Variants in ADAM9 observed in about 807,000 individuals in gnomAD.
ADAM9 encodes the protein disintegrin and metalloproteinase domain-containing protein 9.
In ADAM9, 54 loss-of-function variants were observed where a neutral mutation model predicts 108.1. The ratio of observed to expected loss-of-function variants is 0.50; its 90% confidence interval spans 0.40 to 0.63. The LOEUF is 0.63. ADAM9 is among the 20% of genes least tolerant of loss of function. ADAM9 has a pLI of 0.00. For synonymous variants in ADAM9, 316 were observed against 336.0 expected, an observed-to-expected ratio of 0.94 and a Z score of 0.65; for missense variants, 830 against 997.7, an observed-to-expected ratio of 0.83 and a Z score of 2.26.
At chr8:38,998,396 A>T (rs1291971837) in intron 1 of ADAM9, among the ~76,000 whole-genome samples, 5 of 151,668 alleles carry the variant, frequency 3.3e-5, no homozygotes, top group Non-Finnish European at 5.9e-5. Context: ...TTAATCTGTG[A>T]TTTTTTTTTG....
Position 39,011,792 on chromosome 8 carries a change from T to G in ADAM9, c.254+76T>G, listed in dbSNP as rs927813079. On this transcript the variant is annotated intron_variant, in intron 3 of 21. Coordinates refer to ENST00000487273, the MANE Select transcript of ADAM9 (RefSeq NM_003816.3). The stretch of plus-strand genomic sequence containing the variant: ...TATTGGTTTTCTTTCTAGTTTGATA[T>G]GGTTTAGTGGATCCTGAACCCTGGG... The G allele has an allele frequency of 5.2e-6, 7 of 1,339,034 alleles. No homozygotes were observed. In the African/African-American group the frequency reaches 7.2e-5, roughly 14 times the overall value. 82.9% of individuals were successfully genotyped at this position (1,339,034 alleles called of 1,614,324 possible). A position where few individuals can be genotyped will look rare whatever the true frequency, so the allele number is the denominator to read the frequency against.
chr8:39,011,858 G>A, intron 3 of ADAM9, 142 bp downstream of exon 3: 1 of 771,546 alleles, frequency 1.3e-6, no homozygotes, highest in Non-Finnish European at 2.2e-6. Flanking sequence ...CTGCACAGTG[G>A]CAGCTGGCTG....
intron 1 of ADAM9, among the ~76,000 whole-genome samples, chr8:39,006,617 G>A (rs1836170738): frequency 6.6e-6 from 1 of 151,522 alleles, no homozygotes; most frequent in South Asian, 2.1e-4. Context: ...AAGAAAAAGA[G>A]GTTGTGTTGG....
Position 39,093,804 on chromosome 8 carries a change from C to G in ADAM9, c.2298+2458C>G, listed in dbSNP as rs926138053. Reference sequence around the variant, plus strand: ...TTTGTTTTTGAGATAGAGTCTCGCTCTGTCACCCAGGCTGCAGTGCAGTGG... The same window carrying G: ...TTTGTTTTTGAGATAGAGTCTCGCTGTGTCACCCAGGCTGCAGTGCAGTGG... On this transcript the variant is annotated intron_variant, in intron 20 of 21. Coordinates refer to ENST00000487273, the MANE Select transcript of ADAM9 (RefSeq NM_003816.3). Among the ~76,000 whole-genome samples, 51 of 152,188 alleles carry G rather than the reference C, an allele frequency of 3.4e-4. 1 individual carries two copies. The highest frequency in any genetic ancestry group is 2.6e-3 in the Admixed American group (40 of 15,278).
intron 11 of ADAM9, among the ~76,000 whole-genome samples, chr8:39,034,889 G>A (rs1837219862): frequency 6.6e-6 from 1 of 151,910 alleles, no homozygotes; most frequent in South Asian, 2.1e-4. Context: ...CGTATGTTAT[G>A]TATATATAAC....
At chr8:39,075,956 A>G (rs1391422996) in intron 15 of ADAM9, 2 of 152,242 alleles carry the variant, frequency 1.3e-5, no homozygotes, top group Non-Finnish European at 2.9e-5. Flanking sequence ...GGACAAAATT[A>G]TTAACTCTTA....
At position 38,996,974 on chromosome 8, in the gene ADAM9, G is replaced by T; in HGVS notation, c.-90G>T. 6.5e-7 allele frequency: 1 copy of T among 1,528,618 alleles called. No individual in the cohort carries two copies. The highest frequency in any genetic ancestry group is 2.4e-5 in the East Asian group (1 of 41,148). 94.7% of individuals were successfully genotyped at this position (1,528,618 alleles called of 1,614,324 possible). On this transcript the variant is annotated 5_prime_UTR_variant, in exon 1 of 22. Coordinates refer to ENST00000487273, the MANE Select transcript of ADAM9 (RefSeq NM_003816.3). ...GTCGGGCGCGCGCGCTTCCCGGCCA[G>T]ACTTGGGGCCCCGGCAGGGTTGGAA...
In ADAM9 at chr8:39,103,879, G is replaced by A; in HGVS notation, c.*179G>A. ...GAGTGTGAGAGTTGTGAAATACAAG[G>A]AAATGCAGTAAAGCCAGGGAATTTA... On this transcript the variant is annotated 3_prime_UTR_variant, in exon 22 of 22. Transcript: ENST00000487273. The A allele has an allele frequency of 1.4e-6, 1 of 711,402 alleles. No homozygotes were observed. Among genetic ancestry groups the A allele is most frequent in the Non-Finnish European group, 2.5e-6 (1 of 395,400 alleles). The allele number at this position is 711,402 out of a possible 1,614,324, so 44.1% of individuals were successfully genotyped here. A position where few individuals can be genotyped will look rare whatever the true frequency, so the allele number is the denominator to read the frequency against.
chr8:39,015,238 T>C (rs1836489023), intron 4 of ADAM9: 2 of 152,254 alleles, frequency 1.3e-5, no homozygotes, highest in South Asian at 4.1e-4. Flanking sequence ...TAGTTACCAC[T>C]TTATGGATAT....
At chr8:39,030,499 T>A (rs1256941038) in intron 11 of ADAM9, among the ~76,000 whole-genome samples, 1 of 152,260 alleles carries the variant, frequency 6.6e-6, no homozygotes, top group African/African-American at 2.4e-5. Context: ...ATTTACCTAC[T>A]GAAGGACATA....
rs544303982 is a variant in ADAM9, at chr8:39,100,040, C to T, written c.2299-1823C>T. ...AATTACAGGCGTGCGCCATCATGCC[C>T]GGGTGATTTTTTTGTAGAGACGGGG... is the stretch of plus-strand genomic sequence containing the variant. On this transcript the variant is annotated intron_variant, in intron 20 of 21. Coordinates refer to ENST00000487273, the MANE Select transcript of ADAM9 (RefSeq NM_003816.3). Among the ~76,000 whole-genome samples, 23 of 151,702 alleles carry T rather than the reference C, an allele frequency of 1.5e-4. No homozygotes were observed. The East Asian group carries it at 2.0e-3, about 13-fold the overall frequency.
intron 1 of ADAM9, among the ~76,000 whole-genome samples, chr8:38,998,267 A>G (rs989853194): frequency 1.3e-5 from 2 of 152,186 alleles, no homozygotes; most frequent in African/African-American, 2.4e-5. Context: ...AACTCTGACA[A>G]TGTTTTGAAT....
At chr8:39,030,519 T>G (rs1384973073) in intron 11 of ADAM9, among the ~76,000 whole-genome samples, 1 of 152,214 alleles carries the variant, frequency 6.6e-6, no homozygotes, top group Non-Finnish European at 1.5e-5. Flanking sequence ...ATTGGTTGCT[T>G]CTAAGCTTTG....
intron 20 of ADAM9, among the ~76,000 whole-genome samples, chr8:39,092,331 T>C (rs368742521): frequency 2.0e-5 from 3 of 148,700 alleles, no homozygotes; most frequent in East Asian, 2.0e-4. Context: ...AATATATTTA[T>C]ACACACACAC....
At chr8:39,017,594 T>C (rs1836581528) in intron 6 of ADAM9, among the ~76,000 whole-genome samples, 180 bp downstream of exon 6, 1 of 152,314 alleles carries the variant, frequency 6.6e-6, no homozygotes, top group East Asian at 1.9e-4. Flanking sequence ...TAGTTCCTGC[T>C]ACCAAGTTGA....
At chr8:39,054,916 A>G (rs1308586718) in intron 13 of ADAM9, among the ~76,000 whole-genome samples, 2 of 152,176 alleles carry the variant, frequency 1.3e-5, no homozygotes, top group African/African-American at 4.8e-5. Context: ...ATTTGTTAAT[A>G]TAATCACGTT....
rs1051986474 is a variant in ADAM9, at chr8:39,023,318, C to T, written c.907C>T (p.Leu303=). 6.2e-7 allele frequency: 1 copy of T among 1,610,054 alleles called. No homozygotes were observed. Among genetic ancestry groups the T allele is most frequent in the Non-Finnish European group, 8.5e-7 (1 of 1,178,486 alleles). Residue 303 remains leucine, a synonymous_variant, in exon 9 of 22, where the codon CTA becomes TTA. Coordinates refer to ENST00000487273, the MANE Select transcript of ADAM9 (RefSeq NM_003816.3). ...ITRRRHDSAQ[L]VLKKGFGGTA... ...ACGTCGGAGACATGACAGTGCACAG[C>T]TAGTTCTGTAAGTATTTTTTTTTTA... is the stretch of plus-strand genomic sequence containing the variant.
chr8:39,033,618 T>G (rs1837173409), intron 11 of ADAM9, among the ~76,000 whole-genome samples: 1 of 152,124 alleles, frequency 6.6e-6, no homozygotes, highest in East Asian at 1.9e-4. Flanking sequence ...TAATTACTGA[T>G]CCATTTAATC....
rs181537127 is a variant in ADAM9, at chr8:39,025,153, C to T, written c.915-650C>T. Among the ~76,000 whole-genome samples, 158 of 152,180 alleles carry T rather than the reference C, an allele frequency of 1.0e-3. 1 individual carries two copies. Among genetic ancestry groups the T allele is most frequent in the African/African-American group, 3.7e-3 (154 of 41,514 alleles). On this transcript the variant is annotated intron_variant, in intron 9 of 21. Transcript: ENST00000487273. ...TCACCCAGGCTGGAGTGCAGCGGTGCAGTCTTGGCTCACTGTGGCCTCCGC... is the reference window on the plus strand; with the variant it reads ...TCACCCAGGCTGGAGTGCAGCGGTGTAGTCTTGGCTCACTGTGGCCTCCGC...
Sources: allele counts gnomAD v4.1 joint callset (sites outside exome capture counted in the v4.1 genomes callset), GRCh38; gene constraint gnomAD v4.1.1; transcripts MANE v1.5; gene names NCBI Gene and HGNC (gene_info 2026-07-23, HGNC 2026-07-21).